PLXNB2: variants seen among roughly 807,000 people sequenced by gnomAD.
PLXNB2 encodes plexin-B2.
A neutral mutation model predicts 202.6 loss-of-function variants in PLXNB2; 85 were observed. The ratio of observed to expected loss-of-function variants is 0.42; its 90% CI spans 0.35 to 0.50. The LOEUF (loss-of-function observed/expected upper bound fraction) is 0.50. Among genes scored for constraint, PLXNB2 ranks in the 20% least tolerant of loss-of-function variants. PLXNB2 has a pLI of 0.02. For missense variants in PLXNB2, 2,063 were observed against 2,586.2 expected, an observed-to-expected ratio of 0.80 and a Z score of 4.39; for synonymous variants, 1,239 against 1,137.6, an observed-to-expected ratio of 1.09 and a Z score of -1.79.
chr22:50,302,655 T>G (rs887260656), intron 1 of PLXNB2, among the ~76,000 whole-genome samples: 1 of 152,050 alleles, frequency 6.6e-6, no homozygotes, highest in African/African-American at 2.4e-5. Context: ...GGTGCCAACA[T>G]AGGAGTGGGG....
chr22:50,275,833 C>A (rs113019596), intron 36 of PLXNB2, 25 bp from the exon 37 acceptor site: 3 of 1,608,160 alleles, frequency 1.9e-6, no homozygotes, highest in Non-Finnish European at 2.6e-6. Context: ...CATCAGAGCA[C>A]ACCGGGGGAC....
rs1676455744 is a variant in PLXNB2 at position 50,287,195 on chromosome 22, A to T, written c.1678T>A (p.Ser560Thr). 1 of 1,547,208 alleles carries T rather than the reference A, an allele frequency of 6.5e-7. No individual in the cohort carries two copies. The highest frequency in any genetic ancestry group is 1.4e-5 in the African/African-American group (1 of 72,600). Residue 560 changes from serine (S) to threonine (T), a missense_variant, in exon 8 of 37, where the codon TCG (serine) becomes ACG (threonine). By Grantham distance (58) the Ser-to-Thr change is moderately conservative. This residue lies in a region of PLXNB2 where 1,303 missense variants were observed against 1,476.8 expected (regional missense o/e 0.88). Transcript: ENST00000359337. ...TCCACGCGGGCGGGGTGTGGCGGCGACTCCCCAAAAAGGCACAGCAACTCG... is the reference window on the plus strand; with the variant it reads ...TCCACGCGGGCGGGGTGTGGCGGCGTCTCCCCAAAAAGGCACAGCAACTCG... ...EDELLCLFGE[S>T]PPHPARVEGE...
At chr22:50,300,543 T>A (rs899969454) in intron 1 of PLXNB2, among the ~76,000 whole-genome samples, 102 of 152,116 alleles carry the variant, frequency 6.7e-4, no homozygotes, top group African/African-American at 2.4e-3. Flanking sequence ...ACCTAGGAGC[T>A]GGGGCGGGGC....
At chr22:50,304,554 AG>A (rs1439524267) in intron 1 of PLXNB2, among the ~76,000 whole-genome samples, 1 of 152,112 alleles carries the variant, frequency 6.6e-6, no homozygotes, top group Admixed American at 6.5e-5. Flanking sequence ...CCCTGTGTCA[AG>A]GGATGTGAAA....
At chr22:50,290,864 C>T (rs1463001207) in intron 2 of PLXNB2, among the ~76,000 whole-genome samples, 3 of 152,194 alleles carry the variant, frequency 2.0e-5, no homozygotes, top group South Asian at 2.1e-4. Flanking sequence ...GGATCCCTCC[C>T]GGAGGTGCTG....
At chr22:50,300,371 T>A in intron 1 of PLXNB2, 1 of 967,844 alleles carries the variant, frequency 1.0e-6, no homozygotes, top group South Asian at 4.8e-5. Flanking sequence ...CCGCCGATGG[T>A]GGCTCCGCCC....
At chr22:50,296,421 G>A (rs2067275100) in intron 1 of PLXNB2, among the ~76,000 whole-genome samples, 1 of 146,004 alleles carries the variant, frequency 6.8e-6, no homozygotes, top group Non-Finnish European at 1.5e-5. Context: ...ACAAGTTTAA[G>A]ATTATATTTA....
In PLXNB2 at chr22:50,281,385, T is replaced by C. The variant is rs150309152; in HGVS notation, c.3637A>G (p.Ile1213Val). 6 of 1,612,360 alleles carry C rather than the reference T, an allele frequency of 3.7e-6. No individual in the cohort carries two copies. The highest frequency in any genetic ancestry group is 1.6e-4 in the Middle Eastern group (1 of 6,062). Residue 1213 changes from isoleucine to valine, a missense_variant, in exon 22 of 37, where the codon ATC (isoleucine) becomes GTC (valine). By Grantham distance (29) the Ile-to-Val change is conservative (BLOSUM62 3). Transcript: ENST00000359337. ...CAGTAGCAGTAGACAGACACCGCGA[T>C]GACGACCACCATGGGCACGATGACC... ...PLVIVPMVVVIAVSVYCYWRK... is the reference protein window; with the variant it reads ...PLVIVPMVVVVAVSVYCYWRK...
chr22:50,281,286 C>T (rs773309560), intron 22 of PLXNB2, 74 bp downstream of exon 22: 83 of 1,581,244 alleles, frequency 5.2e-5, no homozygotes, highest in Middle Eastern at 1.7e-4. Flanking sequence ...TGCAGGGCGG[C>T]GGATGAGGCC....
In PLXNB2 at chr22:50,291,275, A is replaced by G. The variant is rs927774891; in HGVS notation, c.-13-678T>C. On this transcript the variant is annotated intron_variant, in intron 2 of 36. Coordinates refer to ENST00000359337, the MANE Select transcript of PLXNB2 (RefSeq NM_012401.4). The surrounding 1 kb of genome is among the most constrained non-coding windows in gnomAD (Gnocchi z 4.3). ...TCCTCGCTCGGCCCATGTCACGCCC[A>G]GGGCACAGCCTCTGATGTGCGCACA... 1.3e-5 allele frequency among the ~76,000 whole-genome samples: 2 copies of G among 152,208 alleles called. No individual in the cohort carries two copies. Among genetic ancestry groups the G allele is most frequent in the Non-Finnish European group, 2.9e-5 (2 of 68,026 alleles).
intron 2 of PLXNB2, among the ~76,000 whole-genome samples, chr22:50,294,467 C>T (rs981282482): frequency 2.0e-5 from 3 of 152,090 alleles, no homozygotes; most frequent in Non-Finnish European, 4.4e-5. Flanking sequence ...GACCACTCCA[C>T]CTGAGCAAAA....
At chr22:50,296,274 C>A (rs947784378) in intron 1 of PLXNB2, among the ~76,000 whole-genome samples, 10 of 144,210 alleles carry the variant, frequency 6.9e-5, no homozygotes, top group African/African-American at 2.9e-4. Context: ...GAACTGGCCG[C>A]GTGTGGTGGT....
intron 2 of PLXNB2, among the ~76,000 whole-genome samples, chr22:50,292,740 C>T (rs763315533): frequency 2.6e-5 from 4 of 151,942 alleles, no homozygotes; most frequent in Non-Finnish European, 4.4e-5. Flanking sequence ...CCCGTGGCAA[C>T]CCCCCGTTCT....
rs1170945805 is a variant in PLXNB2, at chr22:50,281,675, G to A, written c.3413C>T (p.Thr1138Ile). The A allele has an allele frequency of 3.2e-6, 5 of 1,580,660 alleles. No homozygotes were observed. In the Admixed American group the frequency reaches 7.0e-5, roughly 22 times the overall value. Residue 1138 changes from threonine to isoleucine, a missense_variant, in exon 21 of 37, where the codon ACC becomes ATC. Physicochemically the swap from Thr to Ile is moderately conservative, Grantham distance 89. Coordinates refer to ENST00000359337, the MANE Select transcript of PLXNB2 (RefSeq NM_012401.4). ...AEAFVGAERC[T>I]MKTLTETDLY... is the part of the protein sequence containing the mutation. Reference sequence around the variant, plus strand: ...GTCGGTCTCCGTCAGCGTCTTCATGGTGCAGCGCTCGGCACCCACGAAGGC... The same window carrying A: ...GTCGGTCTCCGTCAGCGTCTTCATGATGCAGCGCTCGGCACCCACGAAGGC...
rs925684429 is a variant in PLXNB2, at chr22:50,289,373, C to T, written c.1068+144G>A. 8.1e-6 allele frequency: 9 copies of T among 1,113,148 alleles called. No homozygotes were observed. The highest frequency in any genetic ancestry group is 5.2e-5 in the East Asian group (2 of 38,588). 69.0% of individuals were successfully genotyped at this position (1,113,148 alleles called of 1,614,324 possible). A position where few individuals can be genotyped will look rare whatever the true frequency, so the allele number is the denominator to read the frequency against. On this transcript the variant is annotated intron_variant, in intron 3 of 36. Coordinates refer to ENST00000359337, the MANE Select transcript of PLXNB2 (RefSeq NM_012401.4). This position sits in a 1 kb window ranked among gnomAD's most constrained non-coding sequence, Gnocchi z 8.0. Reference sequence around the variant, plus strand: ...CCAGCGTGAATGGCATTGAGAGATGCGGCACCCACCCACGCAAGCGCCCAG... The same window carrying T: ...CCAGCGTGAATGGCATTGAGAGATGTGGCACCCACCCACGCAAGCGCCCAG...
At position 50,288,081 on chromosome 22, in the gene PLXNB2, C is replaced by T. The variant is rs114105729; in HGVS notation, c.1381-44G>A. On this transcript the variant is annotated intron_variant, in intron 5 of 36. Transcript: ENST00000359337. The surrounding 1 kb of genome is among the most constrained non-coding windows in gnomAD (Gnocchi z 5.0). ...GAGTGGGACCACAGCAGAGGCCGCACGGGCCTTCCGCAGACCCCAGATGTC... is the reference window on the plus strand; with the variant it reads ...GAGTGGGACCACAGCAGAGGCCGCATGGGCCTTCCGCAGACCCCAGATGTC... The T allele has an allele frequency of 1.5e-3, 2,167 of 1,445,920 alleles. 28 individuals are homozygous for T. The African/African-American group carries it at 0.028, about 19-fold the overall frequency. The allele number at this position is 1,445,920 out of a possible 1,614,324, so 89.6% of individuals were successfully genotyped here. A position where few individuals can be genotyped will look rare whatever the true frequency, so the allele number is the denominator to read the frequency against.
chr22:50,296,852 G>A (rs752215378), intron 1 of PLXNB2, among the ~76,000 whole-genome samples: 4 of 152,072 alleles, frequency 2.6e-5, no homozygotes, highest in Non-Finnish European at 4.4e-5. Context: ...AGCGGGACCC[G>A]GGGTTGGACA....
chr22:50,304,836 G>C (rs1336922984), intron 1 of PLXNB2, among the ~76,000 whole-genome samples: 1 of 152,152 alleles, frequency 6.6e-6, no homozygotes, highest in African/African-American at 2.4e-5. Flanking sequence ...CTGCCTCAGA[G>C]AAGGGAGGTC....
At chr22:50,280,265 G>A (rs545087154) in intron 25 of PLXNB2, among the ~76,000 whole-genome samples, 194 bp from the exon 26 acceptor site, 263 of 152,340 alleles carry the variant, frequency 1.7e-3, no homozygotes, top group African/African-American at 6.1e-3. Context: ...TTCTGCAGAG[G>A]GCTGACACTG....
Sources: gnomAD v4.1 joint callset for allele counts (sites outside exome capture counted in the v4.1 genomes callset) on GRCh38, gnomAD v4.1.1 for gene constraint, gnomAD v4.1.1 regional missense constraint, Gnocchi (gnomAD v3.1) non-coding constraint, MANE v1.5 for transcripts, NCBI Gene and HGNC (gene_info 2026-07-23, HGNC 2026-07-21) for gene names.